Variants in CDH4 observed in about 807,000 individuals in gnomAD.
The protein encoded by CDH4 is cadherin-4.
In CDH4, 33 loss-of-function variants were observed where a neutral mutation model predicts 86.0. The observed-to-expected ratio is 0.38, with a 90% CI of 0.29 to 0.51. CDH4 has a LOEUF of 0.51. CDH4 is among the 20% of genes least tolerant of loss of function. The probability of loss-of-function intolerance (pLI) is 0.86; values close to 1 mark genes in which losing one functional copy is unlikely to be tolerated. For synonymous variants in CDH4, 555 were observed against 549.4 expected (o/e 1.01, Z -0.14); for missense variants, 1,114 against 1,307.4 (o/e 0.85, Z 2.28).
intron 4 of CDH4, among the ~76,000 whole-genome samples, chr20:61,819,491 G>A (rs1418795): frequency 0.54 from 82,229 of 152,148 alleles, 23,081 homozygotes; most frequent in Non-Finnish European, 0.62. Flanking sequence ...CCCCAAATGC[G>A]TCATTAAGAT....
chr20:61,787,147 CATCT>C (rs1419107363), intron 4 of CDH4, among the ~76,000 whole-genome samples: 1 of 152,148 alleles, frequency 6.6e-6, no homozygotes, highest in Non-Finnish European at 1.5e-5. Flanking sequence ...TCCATCCATC[CATCT>C]ATCCCTCCAT....
rs1332767715 is a variant in CDH4, at chr20:61,653,263, A to C, written c.170-90300A>C. Among the ~76,000 whole-genome samples, 4 of 132,778 alleles carry C rather than the reference A, an allele frequency of 3.0e-5. 1 individual carries two copies. Among genetic ancestry groups the C allele is most frequent in the Admixed American group, 7.5e-5 (1 of 13,294 alleles). 87.1% of individuals were successfully genotyped at this position (132,778 alleles called of 152,430 possible). On this transcript the variant is annotated intron_variant, in intron 2 of 15. Transcript: ENST00000614565. ...AGCACAGGGTTGGGGGTAAGGTCAC[A>C]GATCAACAGGATCCCAAGGCAGAAG...
At chr20:61,661,355 G>A (rs969288978) in intron 2 of CDH4, among the ~76,000 whole-genome samples, 77 of 152,098 alleles carry the variant, frequency 5.1e-4, no homozygotes, top group African/African-American at 1.8e-3. Flanking sequence ...GGGTGGAAGT[G>A]AGCACATCAT....
chr20:61,503,536 G>A (rs997662713), intron 2 of CDH4, among the ~76,000 whole-genome samples: 13 of 152,104 alleles, frequency 8.5e-5, no homozygotes, highest in Non-Finnish European at 1.8e-4. Flanking sequence ...TGTTGGCGTC[G>A]GGTCATCACT....
chr20:61,644,271 G>T (rs1229620682), intron 2 of CDH4, among the ~76,000 whole-genome samples: 1 of 152,232 alleles, frequency 6.6e-6, no homozygotes, highest in Admixed American at 6.5e-5. Flanking sequence ...CTTTCAAAAA[G>T]GGAGGCCACG....
intron 2 of CDH4, among the ~76,000 whole-genome samples, chr20:61,698,340 C>T (rs561276854): frequency 2.2e-4 from 34 of 152,378 alleles, no homozygotes; most frequent in African/African-American, 7.5e-4. Context: ...TCAAGTAGGT[C>T]TTCTAATATG....
chr20:61,421,528 T>A (rs1244014948), intron 2 of CDH4, among the ~76,000 whole-genome samples: 4 of 152,182 alleles, frequency 2.6e-5, no homozygotes. Flanking sequence ...ATGGAGGGTG[T>A]TTCATGGCTG....
At chr20:61,589,008 G>A (rs374207122) in intron 2 of CDH4, among the ~76,000 whole-genome samples, 8 of 152,224 alleles carry the variant, frequency 5.3e-5, no homozygotes, top group East Asian at 3.8e-4. Context: ...AGTTGGAGCC[G>A]TTTGACGACA....
chr20:61,891,285 A>G (rs960494318), intron 7 of CDH4, among the ~76,000 whole-genome samples: 3 of 152,324 alleles, frequency 2.0e-5, no homozygotes, highest in South Asian at 4.1e-4. Context: ...AGCAGAACAC[A>G]GTCGTGTCCC....
chr20:61,610,362 G>A lies in CDH4; in HGVS notation c.170-133201G>A, dbSNP rs139083540. Among the ~76,000 whole-genome samples, 595 of 152,322 alleles carry A rather than the reference G, an allele frequency of 3.9e-3. 4 individuals carry two copies. Among genetic ancestry groups the A allele is most frequent in the African/African-American group, 0.013 (546 of 41,572 alleles). On this transcript the variant is annotated intron_variant, in intron 2 of 15. Coordinates refer to ENST00000614565, the MANE Select transcript of CDH4 (RefSeq NM_001794.5). ...TTTTATGGCTGAATACTATTCCACT[G>A]TGTACATGAACTACATTGTCTTTAT...
chr20:61,304,859 T>C (rs1016873303), intron 2 of CDH4, among the ~76,000 whole-genome samples: 1 of 98,456 alleles, frequency 1.0e-5, no homozygotes, highest in Middle Eastern at 4.6e-3. Context: ...GCACGTGTAT[T>C]GTGTGTGTGT....
chr20:61,730,554 C>G (rs1345853778), intron 2 of CDH4, among the ~76,000 whole-genome samples: 2 of 152,236 alleles, frequency 1.3e-5, no homozygotes, highest in Non-Finnish European at 2.9e-5. Flanking sequence ...TTTTCTCAAG[C>G]ACTTCCTGGG....
intron 2 of CDH4, among the ~76,000 whole-genome samples, chr20:61,272,828 TGCAGTTTGGGGGAGCACCATAC>T (rs2084190482): frequency 7.2e-6 from 1 of 139,462 alleles, no homozygotes; most frequent in Non-Finnish European, 1.5e-5. Flanking sequence ...GAGTACTATG[TGCAGTTTGGGGGAGCACCATAC>T]GCAGTTTGGG....
At chr20:61,383,472 AATATATATG>A (rs1351094287) in intron 2 of CDH4, among the ~76,000 whole-genome samples, 1 of 29,392 alleles carries the variant, frequency 3.4e-5, no homozygotes, top group Non-Finnish European at 5.4e-5. Context: ...GATATATATG[AATATATATG>A]ATATATATGA....
At chr20:61,328,266 C>A (rs1246625999) in intron 2 of CDH4, among the ~76,000 whole-genome samples, 1 of 152,120 alleles carries the variant, frequency 6.6e-6, no homozygotes, top group Admixed American at 6.5e-5. Flanking sequence ...ACCTCCACCT[C>A]CTGGGTTCAA....
chr20:61,359,210 C>T (rs1290420430), intron 2 of CDH4, among the ~76,000 whole-genome samples: 2 of 152,134 alleles, frequency 1.3e-5, no homozygotes, highest in Admixed American at 1.3e-4. Context: ...CACAGAAAGC[C>T]CCTCTTAAAC....
intron 2 of CDH4, among the ~76,000 whole-genome samples, chr20:61,478,568 G>A (rs1184351709): frequency 6.6e-6 from 1 of 152,184 alleles, no homozygotes; most frequent in Admixed American, 6.5e-5. Context: ...TCCATGTGTA[G>A]ATTAACCTCT....
intron 4 of CDH4, among the ~76,000 whole-genome samples, chr20:61,801,496 G>C: frequency 6.6e-6 from 1 of 152,192 alleles, no homozygotes; most frequent in East Asian, 1.9e-4. Context: ...TGAGTTGCCG[G>C]GAGCTGCTGT....
chr20:61,697,745 G>A (rs542796968), intron 2 of CDH4, among the ~76,000 whole-genome samples: 57 of 152,266 alleles, frequency 3.7e-4, no homozygotes, highest in Non-Finnish European at 5.6e-4. Context: ...CCGGAGGGAC[G>A]TCTCCCCAGA....
Sources: allele counts gnomAD v4.1 joint callset (sites outside exome capture counted in the v4.1 genomes callset), GRCh38; gene constraint gnomAD v4.1.1; transcripts MANE v1.5; gene names NCBI Gene and HGNC (gene_info 2026-07-23, HGNC 2026-07-21).